Variants in CSMD1 observed in about 807,000 individuals in gnomAD.
CSMD1 encodes the protein CUB and Sushi multiple domains 1.
CSMD1 carries 213 observed loss-of-function variants against 417.5 expected under a neutral mutation model. The ratio of observed to expected loss-of-function variants is 0.51; its 90% CI spans 0.46 to 0.57. CSMD1 has a LOEUF of 0.57. Ranked by LOEUF, CSMD1 falls within the 20% of genes least tolerant of loss-of-function variation. The pLI is 0.00. For synonymous variants in CSMD1, 2,862 were observed against 1,736.8 expected, an observed-to-expected ratio of 1.65 and a Z score of -16.11; for missense variants, 6,923 against 4,529.7, an observed-to-expected ratio of 1.53 and a Z score of -15.17.
intron 4 of CSMD1, among the ~76,000 whole-genome samples, chr8:4,030,765 G>C (rs772906219): frequency 5.3e-5 from 8 of 152,158 alleles, no homozygotes; most frequent in African/African-American, 1.2e-4. Context: ...AGACTGCAAA[G>C]TTCATGAACT....
intron 4 of CSMD1, among the ~76,000 whole-genome samples, chr8:4,004,997 G>C (rs1815995632): frequency 6.6e-6 from 1 of 152,154 alleles, no homozygotes; most frequent in Admixed American, 6.5e-5. Context: ...GCCAGCCTCA[G>C]CCTCCCTAGT....
chr8:4,803,433 A>G (rs1167203923), intron 1 of CSMD1, among the ~76,000 whole-genome samples: 3 of 152,182 alleles, frequency 2.0e-5, no homozygotes, highest in Non-Finnish European at 1.5e-5. Context: ...TGTCTCTTTT[A>G]TAGGAAGGGG....
At chr8:3,275,003 G>GA (rs1223084204) in intron 26 of CSMD1, among the ~76,000 whole-genome samples, 1 of 148,568 alleles carries the variant, frequency 6.7e-6, no homozygotes, top group Non-Finnish European at 1.5e-5. Context: ...CTCGTTAGTT[G>GA]ATGCAGTTTC....
intron 5 of CSMD1, among the ~76,000 whole-genome samples, chr8:3,895,294 G>A (rs1340748447): frequency 4.6e-5 from 7 of 152,108 alleles, no homozygotes; most frequent in Admixed American, 4.6e-4. Flanking sequence ...ATTATGTAAA[G>A]TAAACCTATC....
intron 1 of CSMD1, among the ~76,000 whole-genome samples, chr8:4,794,800 G>C (rs1360325222): frequency 6.6e-6 from 1 of 152,178 alleles, no homozygotes; most frequent in African/African-American, 2.4e-5. Flanking sequence ...AGTTTGAATA[G>C]AAGCACTCAA....
intron 49 of CSMD1, among the ~76,000 whole-genome samples, chr8:3,062,759 C>G (rs1454951726): frequency 6.6e-6 from 1 of 152,070 alleles, no homozygotes; most frequent in African/African-American, 2.4e-5. Flanking sequence ...AAATAAACAG[C>G]TAATTATTAC....
chr8:4,916,874 T>A (rs571275009), intron 1 of CSMD1, among the ~76,000 whole-genome samples: 1 of 152,348 alleles, frequency 6.6e-6, no homozygotes, highest in African/African-American at 2.4e-5. Context: ...CAGAAAGGAA[T>A]CCTTTGTCAG....
At chr8:3,645,804 G>C (rs528482246) in intron 7 of CSMD1, among the ~76,000 whole-genome samples, 1 of 152,120 alleles carries the variant, frequency 6.6e-6, no homozygotes, top group African/African-American at 2.4e-5. Flanking sequence ...AAACAAAGCT[G>C]TCTATTCAAA....
intron 3 of CSMD1, among the ~76,000 whole-genome samples, chr8:4,165,852 T>G (rs745323084): frequency 1.3e-5 from 2 of 152,244 alleles, no homozygotes; most frequent in African/African-American, 2.4e-5. Context: ...TTTTTTGCCA[T>G]TGAAAGTAAA....
chr8:4,190,043 G>C (rs1476736910), intron 3 of CSMD1, among the ~76,000 whole-genome samples: 6 of 151,840 alleles, frequency 4.0e-5, no homozygotes, highest in African/African-American at 1.2e-4. Flanking sequence ...TAGAACACGA[G>C]GTCAGGAGAT....
chr8:4,226,857 G>A (rs1390717882), intron 3 of CSMD1, among the ~76,000 whole-genome samples: 2 of 152,142 alleles, frequency 1.3e-5, no homozygotes, highest in East Asian at 1.9e-4. Context: ...GTCTCCCCCT[G>A]TCTTTAGTTT....
At chr8:3,085,562 T>C (rs1174017825) in intron 49 of CSMD1, among the ~76,000 whole-genome samples, 1 of 152,202 alleles carries the variant, frequency 6.6e-6, no homozygotes, top group Admixed American at 6.5e-5. Context: ...TCCCACAGAT[T>C]CCTTGGCCAC....
At chr8:3,964,217 G>A (rs777295089) in intron 5 of CSMD1, among the ~76,000 whole-genome samples, 3 of 152,148 alleles carry the variant, frequency 2.0e-5, no homozygotes, top group East Asian at 3.8e-4. Context: ...CTGTATAAAT[G>A]AGAGTGATTT....
At chr8:3,332,738 A>G (rs1667604609) in intron 23 of CSMD1, among the ~76,000 whole-genome samples, 1 of 152,218 alleles carries the variant, frequency 6.6e-6, no homozygotes, top group Non-Finnish European at 1.5e-5. Flanking sequence ...ATGGAAGGAA[A>G]ACATTCCTAA....
chr8:4,909,507 G>A (rs1770075126), intron 1 of CSMD1, among the ~76,000 whole-genome samples: 1 of 152,124 alleles, frequency 6.6e-6, no homozygotes, highest in East Asian at 1.9e-4. Context: ...TCCCTAAAGA[G>A]AAAGCCTTCC....
In CSMD1 at chr8:3,429,882, A is replaced by T. The variant is rs191902021; in HGVS notation, c.1562-20277T>A. Among the ~76,000 whole-genome samples the T allele has an allele frequency of 4.2e-3, 638 of 152,266 alleles. 4 individuals are homozygous for T. Among genetic ancestry groups the T allele is most frequent in the Non-Finnish European group, 6.9e-3 (468 of 68,020 alleles). On this transcript the variant is annotated intron_variant, in intron 12 of 69. Transcript: ENST00000635120. The stretch of plus-strand genomic sequence containing the variant: ...CAGCACTACTGAGTTTGGTCACATA[A>T]ACTGTGCACCAGATCACACCAGGGG...
At chr8:3,310,922 C>A (rs181012111) in intron 23 of CSMD1, among the ~76,000 whole-genome samples, 3 of 152,080 alleles carry the variant, frequency 2.0e-5, no homozygotes, top group Non-Finnish European at 4.4e-5. Flanking sequence ...GAATATTGCA[C>A]GTAATGCTTC....
chr8:4,405,812 C>A (rs138025029), intron 3 of CSMD1, among the ~76,000 whole-genome samples: 1 of 152,112 alleles, frequency 6.6e-6, no homozygotes, highest in Non-Finnish European at 1.5e-5. Context: ...ATGCCCTGGG[C>A]GGAGCAGTGC....
chr8:4,035,584 G>C (rs948780388), intron 3 of CSMD1, among the ~76,000 whole-genome samples: 1 of 152,214 alleles, frequency 6.6e-6, no homozygotes, highest in Non-Finnish European at 1.5e-5. Context: ...GTGTGTTTGA[G>C]TCTTAATTTT....
Sources: gnomAD v4.1 joint callset for allele counts (sites outside exome capture counted in the v4.1 genomes callset) on GRCh38, gnomAD v4.1.1 for gene constraint, MANE v1.5 for transcripts, NCBI Gene and HGNC (gene_info 2026-07-23, HGNC 2026-07-21) for gene names.